Variants in PPARD observed in about 807,000 individuals in gnomAD.
PPARD encodes peroxisome proliferator activated receptor delta, also known as peroxisome proliferator-activated receptor delta.
PPARD carries 6 observed loss-of-function variants against 39.5 expected under a neutral mutation model. The ratio of observed to expected loss-of-function variants is 0.15; its 90% CI spans 0.08 to 0.30. The LOEUF is 0.30. Ranked by LOEUF, PPARD falls within the 10% of genes least tolerant of loss-of-function variation. The probability of loss-of-function intolerance (pLI) is 1.00; values close to 1 mark genes in which losing one functional copy is unlikely to be tolerated. For missense variants in PPARD, 397 were observed against 596.8 expected (o/e 0.67, Z 3.49); for synonymous variants, 210 against 231.3 (o/e 0.91, Z 0.83).
rs1340253504 is a variant in PPARD, at chr6:35,347,166, T to C, written c.-102+16T>C. On this transcript the variant is annotated intron_variant, in intron 2 of 7. Transcript: ENST00000360694. ...CACCAACGAGGTAATCCCATTTTCT[T>C]TACTCAGGGGTCTCTGACCACCACT... The C allele has an allele frequency of 6.5e-7, 1 of 1,535,824 alleles. No homozygotes were observed. Among genetic ancestry groups the C allele is most frequent in the Non-Finnish European group, 8.7e-7 (1 of 1,146,750 alleles).
At chr6:35,414,309 ACT>A (rs1366795653) in intron 3 of PPARD, among the ~76,000 whole-genome samples, 2 of 152,154 alleles carry the variant, frequency 1.3e-5, no homozygotes, top group Non-Finnish European at 2.9e-5. Context: ...TCAGGGGCTA[ACT>A]CTGAGGAGCA....
intron 2 of PPARD, among the ~76,000 whole-genome samples, chr6:35,387,385 C>T (rs1028841596): frequency 6.6e-6 from 1 of 151,992 alleles, no homozygotes; most frequent in African/African-American, 2.4e-5. Context: ...TAAGTTCAGC[C>T]CCTCATTTTA....
chr6:35,356,303 C>T (rs1761611096), intron 2 of PPARD, among the ~76,000 whole-genome samples: 1 of 152,174 alleles, frequency 6.6e-6, no homozygotes, highest in Admixed American at 6.5e-5. Flanking sequence ...AGTTCCTTGC[C>T]ACCAGTCCAG....
chr6:35,398,401 C>A (rs1183425249), intron 2 of PPARD, among the ~76,000 whole-genome samples: 1 of 152,132 alleles, frequency 6.6e-6, no homozygotes, highest in Admixed American at 6.5e-5. Flanking sequence ...TTGGAGTTGT[C>A]ATTTACTGAG....
intron 2 of PPARD, among the ~76,000 whole-genome samples, chr6:35,383,577 G>A (rs1253042321): frequency 7.1e-6 from 1 of 140,460 alleles, no homozygotes; most frequent in Non-Finnish European, 1.5e-5. Flanking sequence ...TCCCATCTAG[G>A]AGGTGAGGAG....
intron 2 of PPARD, among the ~76,000 whole-genome samples, chr6:35,351,144 GC>G (rs893373192): frequency 2.0e-5 from 3 of 151,890 alleles, no homozygotes; most frequent in Non-Finnish European, 4.4e-5. Context: ...TCCTGCCTCA[GC>G]CTCCCGAGTA....
chr6:35,419,340 C>G (rs1025526519), intron 3 of PPARD, among the ~76,000 whole-genome samples: 2 of 152,148 alleles, frequency 1.3e-5, no homozygotes, highest in East Asian at 3.8e-4. Flanking sequence ...GTCCAAAGGG[C>G]ACTGGGAAGA....
chr6:35,348,165 C>T (rs1378485030), intron 2 of PPARD, among the ~76,000 whole-genome samples: 1 of 152,196 alleles, frequency 6.6e-6, no homozygotes, highest in Non-Finnish European at 1.5e-5. Context: ...GCCTCAGCCT[C>T]CCAGAGTGCT....
At chr6:35,379,306 GT>G (rs1763000788) in intron 2 of PPARD, among the ~76,000 whole-genome samples, 1 of 151,984 alleles carries the variant, frequency 6.6e-6, no homozygotes, top group African/African-American at 2.4e-5. Flanking sequence ...GTTTTACCAT[GT>G]TGCCCAGGCT....
In PPARD at chr6:35,424,021, A is replaced by G. The variant is rs1223538158; in HGVS notation, c.500A>G (p.Gln167Arg). ...GGGCTGACTGCAAACGAGGGGAGCCAGTACAACCCACAGGTGGCCGACCTG... is the reference window on the plus strand; with the variant it reads ...GGGCTGACTGCAAACGAGGGGAGCCGGTACAACCCACAGGTGGCCGACCTG... ...VAGLTANEGS[Q>R]YNPQVADLKA... The change falls in exon 6 of 8, where the codon CAG becomes CGG. Residue 167 changes from glutamine to arginine, a missense_variant. Transcript: ENST00000360694. This position sits in a 1 kb window ranked among gnomAD's most constrained non-coding sequence, Gnocchi z 7.1. 1 of 1,614,224 alleles carries G rather than the reference A, an allele frequency of 6.2e-7. No individual in the cohort carries two copies. The highest frequency in any genetic ancestry group is 8.5e-7 in the Non-Finnish European group (1 of 1,180,038).
chr6:35,422,712 G>A (rs1766259143), intron 5 of PPARD, among the ~76,000 whole-genome samples: 1 of 152,088 alleles, frequency 6.6e-6, no homozygotes, highest in Admixed American at 6.6e-5. Context: ...TGGGTAATGG[G>A]GTCTGGCAGG....
chr6:35,420,819 CTTTTTTTTTTTT>C lies in PPARD; in HGVS notation c.285+552_285+563del, dbSNP rs35852986. ...TTATGTTACCAAACTAACAAAGAAGCTTTTTTTTTTTTTTTTTTTTTTTTTGAGATGGAATCT... is the reference window on the plus strand; with the variant it reads ...TTATGTTACCAAACTAACAAAGAAGCTTTTTTTTTTTTTGAGATGGAATCT... On this transcript the variant is annotated intron_variant, in intron 4 of 7. Coordinates refer to ENST00000360694, the MANE Select transcript of PPARD (RefSeq NM_006238.5). Among the ~76,000 whole-genome samples the C allele has an allele frequency of 5.8e-5, 5 of 85,740 alleles. No homozygotes were observed. In the East Asian group the frequency reaches 2.3e-3, roughly 39 times the overall value. 56.2% of individuals were successfully genotyped at this position (85,740 alleles called of 152,430 possible).
intron 2 of PPARD, among the ~76,000 whole-genome samples, chr6:35,385,533 A>T (rs561595110): frequency 6.8e-6 from 1 of 146,006 alleles, no homozygotes; most frequent in East Asian, 2.0e-4. Flanking sequence ...AAAACCAGAG[A>T]CCTTTGTTCA....
intron 2 of PPARD, among the ~76,000 whole-genome samples, chr6:35,370,560 G>A (rs1459265027): frequency 3.3e-5 from 5 of 152,142 alleles, no homozygotes. Flanking sequence ...CACCCACATG[G>A]CTGGTAAACG....
chr6:35,350,612 C>CTTTTTT (rs959545502), intron 2 of PPARD, among the ~76,000 whole-genome samples: 6 of 104,544 alleles, frequency 5.7e-5, no homozygotes, highest in East Asian at 2.5e-4. Flanking sequence ...GTCTATGTGT[C>CTTTTTT]TTTTTTTTTT....
chr6:35,349,314 C>T (rs377144458), intron 2 of PPARD, among the ~76,000 whole-genome samples: 40 of 152,188 alleles, frequency 2.6e-4, no homozygotes, highest in Non-Finnish European at 5.6e-4. Flanking sequence ...CGTGAGCCAC[C>T]GCGCCCGGCC....
intron 3 of PPARD, among the ~76,000 whole-genome samples, chr6:35,415,949 G>T (rs1347619916): frequency 1.3e-5 from 2 of 152,190 alleles, no homozygotes; most frequent in African/African-American, 2.4e-5. Flanking sequence ...AGAATTTCCT[G>T]TTCCACAGTG....
In PPARD at chr6:35,374,308, T is replaced by TGGG. The variant is rs750412240; in HGVS notation, c.-102+27160_-102+27162dup. On this transcript the variant is annotated intron_variant, in intron 2 of 7. Coordinates refer to ENST00000360694, the MANE Select transcript of PPARD (RefSeq NM_006238.5). ...TAAGGTCATGGTTAGTTCTCGGCGG[T>TGGG]GGGGCGGGGGGGTTTAGTGGGCAAT... Among the ~76,000 whole-genome samples the TGGG allele has an allele frequency of 2.7e-3, 341 of 125,606 alleles. 5 individuals carry two copies. The highest frequency in any genetic ancestry group is 0.012 in the African/African-American group (273 of 22,028). The allele number at this position is 125,606 out of a possible 152,430, so 82.4% of individuals were successfully genotyped here.
intron 2 of PPARD, among the ~76,000 whole-genome samples, chr6:35,375,405 A>G (rs1207072748): frequency 5.9e-5 from 9 of 151,972 alleles, no homozygotes; most frequent in Non-Finnish European, 1.3e-4. Context: ...TAGTAGAGAC[A>G]GGGTTTCGCC....
Sources: gnomAD v4.1 joint callset for allele counts (sites outside exome capture counted in the v4.1 genomes callset) on GRCh38, gnomAD v4.1.1 for gene constraint, Gnocchi (gnomAD v3.1) non-coding constraint, MANE v1.5 for transcripts, NCBI Gene and HGNC (gene_info 2026-07-23, HGNC 2026-07-21) for gene names.